TANC2: variants seen among roughly 807,000 people sequenced by gnomAD.
TANC2 encodes the protein protein TANC2.
TANC2 carries 26 observed loss-of-function variants against 210.5 expected under a neutral mutation model. That is an observed-to-expected ratio of 0.12 (90% CI 0.09 to 0.17). The LOEUF (loss-of-function observed/expected upper bound fraction) is 0.17. Ranked by LOEUF, TANC2 falls within the 10% of genes least tolerant of loss-of-function variation. The pLI is 1.00. For missense variants in TANC2, 2,129 were observed against 2,608.9 expected (o/e 0.82, Z 4.01); for synonymous variants, 931 against 967.1 (o/e 0.96, Z 0.69).
intron 9 of TANC2, among the ~76,000 whole-genome samples, chr17:63,268,270 A>C (rs2043591250): frequency 6.6e-6 from 1 of 152,204 alleles, no homozygotes; most frequent in Non-Finnish European, 1.5e-5. Flanking sequence ...GAGCATCCCT[A>C]ATCTGAAAAT....
chr17:63,024,787 T>G (rs1340949892), intron 2 of TANC2, among the ~76,000 whole-genome samples: 1 of 152,222 alleles, frequency 6.6e-6, no homozygotes, highest in Non-Finnish European at 1.5e-5. Context: ...CTAGTAGGAA[T>G]AGAAGCCATT....
At chr17:63,240,272 G>T (rs140647777) in intron 8 of TANC2, among the ~76,000 whole-genome samples, 67 of 152,300 alleles carry the variant, frequency 4.4e-4, no homozygotes, top group Middle Eastern at 6.8e-3. Flanking sequence ...GAAAGGCACT[G>T]AACACTTAGT....
Position 63,420,454 on chromosome 17 carries a change from C to T in TANC2, c.4724C>T (p.Pro1575Leu). 1 of 1,613,976 alleles carries T rather than the reference C, an allele frequency of 6.2e-7. No individual in the cohort carries two copies. Among genetic ancestry groups the T allele is most frequent in the Non-Finnish European group, 8.5e-7 (1 of 1,179,882 alleles). ...CAGTCCACCTCACCTGCCCTTTCTCCAACTCATCAGAACTCACATTACAGG... is the reference window on the plus strand; with the variant it reads ...CAGTCCACCTCACCTGCCCTTTCTCTAACTCATCAGAACTCACATTACAGG... The change falls in exon 28 of 28, where the codon CCA becomes CTA. Residue 1575 changes from proline to leucine, a missense_variant. Pro to Leu is a moderately conservative substitution (Grantham distance 98, BLOSUM62 -3). This residue lies in a region of TANC2 where 584 missense variants were observed against 627.3 expected (regional missense o/e 0.93). Coordinates refer to ENST00000689528, the Ensembl canonical transcript of TANC2. The surrounding 1 kb of genome is among the most constrained non-coding windows in gnomAD (Gnocchi z 4.2).
At chr17:63,419,130 G>A (rs968093457) in intron 27 of TANC2, among the ~76,000 whole-genome samples, 8 of 152,168 alleles carry the variant, frequency 5.3e-5, no homozygotes, top group African/African-American at 1.9e-4. Flanking sequence ...CCAGCTGCAT[G>A]GGAAAGAACT....
chr17:63,228,093 C>T (rs1319416516), intron 7 of TANC2, among the ~76,000 whole-genome samples: 3 of 151,644 alleles, frequency 2.0e-5, no homozygotes, highest in Admixed American at 2.0e-4. Context: ...AAACTCCTGA[C>T]CTCAAGTGAT....
intron 10 of TANC2, among the ~76,000 whole-genome samples, chr17:63,317,572 C>T (rs2045355061): frequency 6.6e-6 from 1 of 152,152 alleles, no homozygotes; most frequent in Admixed American, 6.5e-5. Flanking sequence ...AGCTCTAATA[C>T]AAGACTGTAT....
rs2144903082 is a variant in TANC2 at position 63,099,366 on chromosome 17, T to C, written c.322+9T>C. 6.7e-7 allele frequency: 1 copy of C among 1,482,016 alleles called. No homozygotes were observed. Among genetic ancestry groups the C allele is most frequent in the Non-Finnish European group, 9.0e-7 (1 of 1,106,560 alleles). 91.8% of individuals were successfully genotyped at this position (1,482,016 alleles called of 1,614,324 possible). On this transcript the variant is annotated intron_variant, in intron 4 of 27. Coordinates refer to ENST00000689528, the Ensembl canonical transcript of TANC2. The stretch of plus-strand genomic sequence containing the variant: ...TGTGAAGAAGTTAACTGGTAAGGAC[T>C]TTACCTAAATTTAGTATGTTTAACA...
chr17:63,029,534 C>T (rs2034685122), intron 2 of TANC2, among the ~76,000 whole-genome samples: 1 of 152,018 alleles, frequency 6.6e-6, no homozygotes, highest in South Asian at 2.1e-4. Flanking sequence ...TTTACAAACC[C>T]TTTAGAACAG....
chr17:63,415,554 G>A, exon 26 of TANC2: 3 of 1,613,892 alleles, frequency 1.9e-6, no homozygotes, highest in South Asian at 2.2e-5. Flanking sequence ...AAGCTGCCCA[G>A]CGCTACCAGT....
At chr17:63,303,900 C>T (rs2044807311) in intron 9 of TANC2, among the ~76,000 whole-genome samples, 1 of 151,816 alleles carries the variant, frequency 6.6e-6, no homozygotes, top group African/African-American at 2.4e-5. Flanking sequence ...CTTGTGTATG[C>T]TTCACGAAGT....
intron 3 of TANC2, chr17:63,089,113 G>A (rs991697091): frequency 2.6e-5 from 4 of 152,166 alleles, no homozygotes; most frequent in African/African-American, 9.7e-5. Flanking sequence ...ATTCTAGTCA[G>A]GGCATTAAAG....
At chr17:63,180,612 A>T (rs1043584698) in intron 5 of TANC2, among the ~76,000 whole-genome samples, 1 of 152,314 alleles carries the variant, frequency 6.6e-6, no homozygotes, top group East Asian at 1.9e-4. Flanking sequence ...AACCAGAAGA[A>T]CCTTTATTAT....
chr17:63,401,607 C>A (rs185730813), intron 19 of TANC2, among the ~76,000 whole-genome samples: 2 of 152,318 alleles, frequency 1.3e-5, no homozygotes, highest in Non-Finnish European at 2.9e-5. Flanking sequence ...CCATTTGCAG[C>A]CTCTTTATCT....
intron 9 of TANC2, among the ~76,000 whole-genome samples, chr17:63,300,619 A>G (rs969627668): frequency 6.6e-6 from 1 of 152,102 alleles, no homozygotes; most frequent in African/African-American, 2.4e-5. Flanking sequence ...TGGGTTTTGC[A>G]CATTGATTTT....
Position 63,169,122 on chromosome 17 carries a change from T to C in TANC2, c.433+17742T>C, listed in dbSNP as rs1208630011. Among the ~76,000 whole-genome samples the C allele has an allele frequency of 2.6e-5, 4 of 152,322 alleles. No individual in the cohort carries two copies. In the East Asian group the frequency reaches 7.7e-4, roughly 29 times the overall value. ...CAAATGACTCCTGTTCCTGTAACTT[T>C]CTCTTTCCTTCCTCCATCTCCACCA... On this transcript the variant is annotated intron_variant, in intron 5 of 27. Transcript: ENST00000689528.
intron 2 of TANC2, among the ~76,000 whole-genome samples, chr17:63,013,402 T>C (rs2033961042): frequency 6.6e-6 from 1 of 152,216 alleles, no homozygotes; most frequent in Non-Finnish European, 1.5e-5. Flanking sequence ...TTTTCTCTTT[T>C]AAGGTTTCTA....
chr17:63,132,968 G>GT (rs2038968158), intron 4 of TANC2, among the ~76,000 whole-genome samples: 7 of 151,906 alleles, frequency 4.6e-5, no homozygotes, highest in Non-Finnish European at 4.4e-5. Context: ...TAGTAGCAGG[G>GT]GTTTTTTTTG....
chr17:63,082,391 A>G (rs1349330609), intron 3 of TANC2, among the ~76,000 whole-genome samples: 2 of 152,204 alleles, frequency 1.3e-5, no homozygotes, highest in East Asian at 3.8e-4. Flanking sequence ...TTTGTTTCAT[A>G]TGAAGAGCAG....
In TANC2 at chr17:63,352,528, G is replaced by A. The variant is rs189961671; in HGVS notation, c.1974+1112G>A. 2.9e-4 allele frequency among the ~76,000 whole-genome samples: 44 copies of A among 152,184 alleles called. No individual in the cohort carries two copies. The East Asian group carries it at 6.0e-3, about 21-fold the overall frequency. On this transcript the variant is annotated intron_variant, in intron 13 of 27. Transcript: ENST00000689528. ...AGCTTGATTGTTAAAAATGAAAGAT[G>A]AATGAAAGAAACCTCCAGGAATGTA... is the stretch of plus-strand genomic sequence containing the variant.
Sources: gnomAD v4.1 joint callset for allele counts (sites outside exome capture counted in the v4.1 genomes callset) on GRCh38, gnomAD v4.1.1 for gene constraint, gnomAD v4.1.1 regional missense constraint, Gnocchi (gnomAD v3.1) non-coding constraint, MANE v1.5 for transcripts, NCBI Gene and HGNC (gene_info 2026-07-23, HGNC 2026-07-21) for gene names.